The following PITPNC1 variants were observed in gnomAD, a reference collection of about 807,000 sequenced individuals.
PITPNC1 encodes cytoplasmic phosphatidylinositol transfer protein 1.
Under a neutral mutation model 44.7 loss-of-function variants are expected in PITPNC1, and 18 were observed. The ratio of observed to expected loss-of-function variants is 0.40; its 90% confidence interval spans 0.28 to 0.60. PITPNC1 has a LOEUF of 0.60. Among genes scored for constraint, PITPNC1 ranks in the 20% least tolerant of loss-of-function variants. PITPNC1 has a pLI of 0.39. For missense variants in PITPNC1, 290 were observed against 418.4 expected, an observed-to-expected ratio of 0.69 and a Z score of 2.68; for synonymous variants, 141 against 149.6, an observed-to-expected ratio of 0.94 and a Z score of 0.42.
intron 1 of PITPNC1, among the ~76,000 whole-genome samples, chr17:67,468,789 C>G (rs2039469612): frequency 6.6e-6 from 1 of 151,910 alleles, no homozygotes; most frequent in Non-Finnish European, 1.5e-5. Context: ...CTCTGCCTCC[C>G]AGGTTCAAGC....
chr17:67,622,184 G>C (rs2041839026), intron 5 of PITPNC1, among the ~76,000 whole-genome samples: 1 of 150,562 alleles, frequency 6.6e-6, no homozygotes, highest in Non-Finnish European at 1.5e-5. Context: ...AGGAACCCGG[G>C]AGGCGGAGCT....
intron 1 of PITPNC1, among the ~76,000 whole-genome samples, chr17:67,513,926 G>A (rs2040224731): frequency 6.6e-6 from 1 of 152,010 alleles, no homozygotes; most frequent in Non-Finnish European, 1.5e-5. Context: ...TTGAGAAATG[G>A]ATGGTCGGAG....
At chr17:67,581,825 G>A (rs1568050894) in intron 5 of PITPNC1, among the ~76,000 whole-genome samples, 1 of 152,174 alleles carries the variant, frequency 6.6e-6, no homozygotes, top group Non-Finnish European at 1.5e-5. Flanking sequence ...CTGAGGTCAG[G>A]AGTTTGAGAC....
chr17:67,610,810 A>G (rs1049769390), intron 5 of PITPNC1, among the ~76,000 whole-genome samples: 13 of 151,532 alleles, frequency 8.6e-5, no homozygotes, highest in African/African-American at 3.2e-4. Context: ...AGTCCCAGCT[A>G]CTCGGGAGGC....
chr17:67,390,929 T>A (rs184451471), intron 1 of PITPNC1, among the ~76,000 whole-genome samples: 5 of 152,310 alleles, frequency 3.3e-5, no homozygotes, highest in African/African-American at 1.2e-4. Flanking sequence ...ACTAATTCTT[T>A]CATTTCCCAG....
intron 1 of PITPNC1, among the ~76,000 whole-genome samples, chr17:67,433,834 C>T (rs1341461826): frequency 2.6e-5 from 4 of 152,076 alleles, no homozygotes; most frequent in Non-Finnish European, 4.4e-5. Context: ...CTGAGACTAG[C>T]GTGCAAGGAT....
At chr17:67,496,090 A>G (rs956587278) in intron 1 of PITPNC1, among the ~76,000 whole-genome samples, 24 of 152,292 alleles carry the variant, frequency 1.6e-4, no homozygotes, top group African/African-American at 5.8e-4. Flanking sequence ...TGAGGAGAAA[A>G]TGTTGTTGGA....
At chr17:67,636,695 A>C (rs962899405) in intron 6 of PITPNC1, among the ~76,000 whole-genome samples, 1 of 152,152 alleles carries the variant, frequency 6.6e-6, no homozygotes, top group Non-Finnish European at 1.5e-5. Flanking sequence ...CAGAATACAG[A>C]CTGCAGTCTG....
chr17:67,685,746 A>G (rs1456543076), intron 8 of PITPNC1, among the ~76,000 whole-genome samples: 1 of 152,218 alleles, frequency 6.6e-6, no homozygotes, highest in Non-Finnish European at 1.5e-5. Context: ...AAATGACAGA[A>G]GTATTTGAAG....
chr17:67,576,449 T>C (rs2041151366), intron 4 of PITPNC1, among the ~76,000 whole-genome samples: 1 of 152,184 alleles, frequency 6.6e-6, no homozygotes, highest in African/African-American at 2.4e-5. Context: ...ATAGACAGTA[T>C]GTGAGTACTG....
intron 5 of PITPNC1, among the ~76,000 whole-genome samples, chr17:67,598,163 A>C (rs796184674): frequency 6.6e-6 from 1 of 152,152 alleles, no homozygotes; most frequent in Non-Finnish European, 1.5e-5. Flanking sequence ...CGGAGGTTGC[A>C]GTGAGCCAAG....
intron 1 of PITPNC1, among the ~76,000 whole-genome samples, chr17:67,394,767 G>A (rs553078435): frequency 2.6e-5 from 4 of 152,076 alleles, no homozygotes; most frequent in East Asian, 1.9e-4. Context: ...GGTGGCGGGC[G>A]CCTGTAGTCC....
intron 1 of PITPNC1, among the ~76,000 whole-genome samples, chr17:67,431,984 G>A (rs1383156180): frequency 6.6e-6 from 1 of 152,168 alleles, no homozygotes; most frequent in Non-Finnish European, 1.5e-5. Flanking sequence ...TATCCCAGTG[G>A]ATAACTTCTG....
At chr17:67,543,851 A>G (rs375253986) in intron 2 of PITPNC1, among the ~76,000 whole-genome samples, 1 of 152,284 alleles carries the variant, frequency 6.6e-6, no homozygotes, top group East Asian at 1.9e-4. Flanking sequence ...TACTAATACA[A>G]TAATACATTG....
chr17:67,683,120 C>T (rs945123288), intron 8 of PITPNC1, among the ~76,000 whole-genome samples: 3 of 144,310 alleles, frequency 2.1e-5, no homozygotes, highest in Non-Finnish European at 4.5e-5. Flanking sequence ...AGATATCACA[C>T]CATTGCACTC....
intron 1 of PITPNC1, among the ~76,000 whole-genome samples, chr17:67,400,580 G>A (rs943100353): frequency 2.0e-5 from 3 of 151,770 alleles, no homozygotes; most frequent in Non-Finnish European, 4.4e-5. Flanking sequence ...AAGTAGTGCC[G>A]TGCTGATTTC....
intron 1 of PITPNC1, among the ~76,000 whole-genome samples, chr17:67,505,511 T>C (rs2040088866): frequency 6.6e-6 from 1 of 152,246 alleles, no homozygotes; most frequent in African/African-American, 2.4e-5. Context: ...TAAAGTCTAC[T>C]TTGTCTGATA....
intron 1 of PITPNC1, among the ~76,000 whole-genome samples, chr17:67,416,064 T>C (rs980234901): frequency 2.6e-5 from 4 of 152,058 alleles, no homozygotes; most frequent in African/African-American, 9.7e-5. Flanking sequence ...ATGTGGAAAA[T>C]AGCACGTGGC....
chr17:67,405,812 G>T (rs1456090780), intron 1 of PITPNC1, among the ~76,000 whole-genome samples: 1 of 151,932 alleles, frequency 6.6e-6, no homozygotes, highest in African/African-American at 2.4e-5. Flanking sequence ...TCGCCATGTT[G>T]CCCAGGCTGG....
Sources: allele counts gnomAD v4.1 joint callset (sites outside exome capture counted in the v4.1 genomes callset), GRCh38; gene constraint gnomAD v4.1.1; transcripts MANE v1.5; gene names NCBI Gene and HGNC (gene_info 2026-07-23, HGNC 2026-07-21).